The following EPB41 variants were observed in gnomAD, a reference collection of about 807,000 sequenced individuals.
EPB41 encodes protein 4.1.
EPB41 carries 65 observed loss-of-function variants against 108.0 expected under a neutral mutation model. That is an observed-to-expected ratio of 0.60 (90% CI 0.49 to 0.74). EPB41 has a LOEUF of 0.74. EPB41 is among the 30% of genes least tolerant of loss of function. The pLI is 0.00. For missense variants in EPB41, 875 were observed against 1,037.0 expected (o/e 0.84, Z 2.15); for synonymous variants, 336 against 358.9 (o/e 0.94, Z 0.72).
At chr1:29,096,431 A>G (rs910260960) in intron 16 of EPB41, 1 of 985,934 alleles carries the variant, frequency 1.0e-6, no homozygotes, top group Non-Finnish European at 1.2e-6. Context: ...GGAACAGGCC[A>G]GTGCCTTAAA....
chr1:28,966,866 C>A (rs1336008050), intron 1 of EPB41, among the ~76,000 whole-genome samples: 1 of 152,152 alleles, frequency 6.6e-6, no homozygotes, highest in Non-Finnish European at 1.5e-5. Context: ...GCCCTTTATT[C>A]TGAATGGCAG....
intron 5 of EPB41, 48 bp downstream of exon 5, chr1:29,011,955 T>A: frequency 6.3e-7 from 1 of 1,598,800 alleles, no homozygotes; most frequent in East Asian, 2.2e-5. Flanking sequence ...TTTTAGTAGG[T>A]CAGAGGATTT....
chr1:29,099,046 C>T (rs1005036796), intron 17 of EPB41, among the ~76,000 whole-genome samples: 6 of 149,468 alleles, frequency 4.0e-5, no homozygotes, highest in African/African-American at 1.5e-4. Flanking sequence ...CAGTGGCTCA[C>T]GCCTGTAATA....
chr1:28,952,222 G>C (rs1424914995), intron 1 of EPB41, among the ~76,000 whole-genome samples: 1 of 134,060 alleles, frequency 7.5e-6, no homozygotes, highest in Non-Finnish European at 1.6e-5. Context: ...TTTTTTTTCT[G>C]TCAGTTATCA....
At chr1:29,052,190 A>G (rs1477731958) in intron 11 of EPB41, among the ~76,000 whole-genome samples, 1 of 152,210 alleles carries the variant, frequency 6.6e-6, no homozygotes, top group Non-Finnish European at 1.5e-5. Flanking sequence ...TATTCTCTCT[A>G]AAACAGTCTA....
intron 1 of EPB41, among the ~76,000 whole-genome samples, chr1:28,918,898 C>T (rs549888152): frequency 6.6e-6 from 1 of 152,266 alleles, no homozygotes; most frequent in African/African-American, 2.4e-5. Flanking sequence ...TTTTACTGTG[C>T]GTCCTTTTTA....
At chr1:29,091,102 C>G (rs567745758) in intron 16 of EPB41, among the ~76,000 whole-genome samples, 1 of 152,246 alleles carries the variant, frequency 6.6e-6, no homozygotes, top group East Asian at 1.9e-4. Flanking sequence ...ATTGTTCTGT[C>G]TAATTTAACT....
chr1:28,920,428 C>T (rs559147593), intron 1 of EPB41, among the ~76,000 whole-genome samples: 111 of 152,142 alleles, frequency 7.3e-4, no homozygotes, highest in Non-Finnish European at 7.4e-5. Context: ...TTTGGTAGGC[C>T]CTCTATATGT....
At chr1:29,011,434 G>T (rs1012404062) in intron 4 of EPB41, among the ~76,000 whole-genome samples, 1 of 151,870 alleles carries the variant, frequency 6.6e-6, no homozygotes, top group Admixed American at 6.6e-5. Flanking sequence ...AAAATAAAAT[G>T]TGGATGCTGT....
At chr1:28,971,838 CAAGG>C (rs1571687234) in intron 1 of EPB41, among the ~76,000 whole-genome samples, 1 of 152,006 alleles carries the variant, frequency 6.6e-6, no homozygotes, top group Non-Finnish European at 1.5e-5. Context: ...AAAAATGAAA[CAAGG>C]AAGCATATAA....
chr1:29,055,041 AAATAAT>A (rs1301558322), intron 12 of EPB41, among the ~76,000 whole-genome samples: 2 of 152,330 alleles, frequency 1.3e-5, no homozygotes, highest in East Asian at 1.9e-4. Context: ...CCGTCTCAAA[AAATAAT>A]AATAATAAAT....
chr1:28,999,808 G>C (rs913428971), intron 4 of EPB41, among the ~76,000 whole-genome samples: 1 of 151,694 alleles, frequency 6.6e-6, no homozygotes, highest in African/African-American at 2.4e-5. Context: ...TTTTGAGACA[G>C]AGTCTCACTC....
intron 7 of EPB41, among the ~76,000 whole-genome samples, chr1:29,025,407 G>GT (rs5773230): frequency 0.013 from 2,009 of 152,048 alleles, 33 homozygotes; most frequent in Middle Eastern, 0.095. Flanking sequence ...TCCTGGTCAG[G>GT]TACTTTTGTA....
At chr1:29,073,943 C>G (rs1188482055) in intron 16 of EPB41, among the ~76,000 whole-genome samples, 1 of 152,038 alleles carries the variant, frequency 6.6e-6, no homozygotes, top group Non-Finnish European at 1.5e-5. Context: ...TATAATAACC[C>G]AATTCACTTT....
chr1:28,912,686 G>A (rs1462168538), upstream of EPB41, among the ~76,000 whole-genome samples: 3 of 151,250 alleles, frequency 2.0e-5, no homozygotes, highest in Admixed American at 6.6e-5. Context: ...GCATGATCTC[G>A]GCTCTCTGCA....
intron 9 of EPB41, among the ~76,000 whole-genome samples, chr1:29,034,739 AAAG>A (rs1444000921): frequency 6.6e-6 from 1 of 152,160 alleles, no homozygotes; most frequent in African/African-American, 2.4e-5. Context: ...TCAAAGGAAA[AAAG>A]AAATATTTAA....
At chr1:29,057,955 G>A (rs1645839073) in intron 12 of EPB41, among the ~76,000 whole-genome samples, 1 of 152,178 alleles carries the variant, frequency 6.6e-6, no homozygotes, top group African/African-American at 2.4e-5. Context: ...CCAGCCCTGG[G>A]AGTAATTTCA....
chr1:28,975,893 A>T (rs2095593639), intron 1 of EPB41, among the ~76,000 whole-genome samples: 1 of 141,168 alleles, frequency 7.1e-6, no homozygotes, highest in South Asian at 2.3e-4. Flanking sequence ...GTGAGCTGAG[A>T]TCCCGCCACT....
chr1:29,020,216 C>T (rs1013341940), intron 7 of EPB41, among the ~76,000 whole-genome samples: 1 of 151,928 alleles, frequency 6.6e-6, no homozygotes, highest in East Asian at 1.9e-4. Flanking sequence ...TACAGGCGCC[C>T]ACCAACACAC....
Sources: gnomAD v4.1 joint callset for allele counts (sites outside exome capture counted in the v4.1 genomes callset) on GRCh38, gnomAD v4.1.1 for gene constraint, MANE v1.5 for transcripts, NCBI Gene and HGNC (gene_info 2026-07-23, HGNC 2026-07-21) for gene names.